The following LONP1 variants were observed in gnomAD, a reference collection of about 807,000 sequenced individuals.
LONP1 encodes the protein lon protease homolog, mitochondrial.
LONP1 carries 31 observed loss-of-function variants against 98.5 expected under a neutral mutation model. The ratio of observed to expected loss-of-function variants is 0.31; its 90% CI spans 0.24 to 0.42. The LOEUF (loss-of-function observed/expected upper bound fraction) is 0.42, where lower values mean the gene tolerates loss of function less well. LONP1 is among the 20% of genes least tolerant of loss of function. LONP1 has a pLI of 1.00. For missense variants in LONP1, 1,336 were observed against 1,350.6 expected (o/e 0.99, Z 0.17); for synonymous variants, 781 against 594.7 (o/e 1.31, Z -4.56).
At position 5,692,852 on chromosome 19, in the gene LONP1, A is replaced by G. The variant is rs1381598037; in HGVS notation, c.2703+446T>C. On this transcript the variant is annotated intron_variant, in intron 17 of 17. Coordinates refer to ENST00000360614, the MANE Select transcript of LONP1 (RefSeq NM_004793.4). ...ACTGACTGCACCAGGCTTCCTAGACACATGGCAAGTGTGGTCCAGTCTGGG... is the reference window on the plus strand; with the variant it reads ...ACTGACTGCACCAGGCTTCCTAGACGCATGGCAAGTGTGGTCCAGTCTGGG... Among the ~76,000 whole-genome samples the G allele has an allele frequency of 6.6e-5, 10 of 152,232 alleles. No homozygotes were observed. In the East Asian group the frequency reaches 1.4e-3, roughly 21 times the overall value.
intron 13 of LONP1, among the ~76,000 whole-genome samples, chr19:5,695,762 G>C (rs990745462): frequency 6.6e-6 from 1 of 152,264 alleles, no homozygotes; most frequent in Admixed American, 6.5e-5. Flanking sequence ...TCTGGGCCAG[G>C]TGGGGGCCCC....
intron 17 of LONP1, among the ~76,000 whole-genome samples, chr19:5,692,935 C>T (rs1255535701): frequency 6.6e-6 from 1 of 152,048 alleles, no homozygotes; most frequent in Non-Finnish European, 1.5e-5. Flanking sequence ...TGCTCAGCAC[C>T]CTTGGAAGAG....
At chr19:5,694,708 CG>C in intron 14 of LONP1, 52 bp downstream of exon 14, 1 of 1,576,044 alleles carries the variant, frequency 6.3e-7, no homozygotes, top group Non-Finnish European at 8.7e-7. Flanking sequence ...GGGTGATCAG[CG>C]TGGGATGGTG....
At chr19:5,707,228 T>G in intron 6 of LONP1, 85 bp from the exon 7 acceptor site, 2 of 1,066,308 alleles carry the variant, frequency 1.9e-6, no homozygotes, top group Non-Finnish European at 2.8e-6. Context: ...ATGCGCACCC[T>G]GAGAGATGCT....
In LONP1 at chr19:5,707,741, C is replaced by T; in HGVS notation, c.1018G>A (p.Gly340Arg). Residue 340 changes from glycine (G) to arginine (R), a missense_variant, in exon 6 of 18, where the codon GGG becomes AGG. Gly to Arg is a moderately radical substitution (Grantham distance 125). This residue lies in a region of LONP1 where 97 missense variants were observed against 139.0 expected (regional missense o/e 0.70). Transcript: ENST00000360614. The part of the protein sequence containing the change: ...YLSDMGAALT[G>R]AESHELQDVL... The stretch of plus-strand genomic sequence containing the variant: ...TCCTGCAGCTCATGGGACTCGGCCC[C>T]GGTGAGCGCGGCGCCCATGTCGCTC... 4 of 1,613,366 alleles carry T rather than the reference C, an allele frequency of 2.5e-6. No individual in the cohort carries two copies. Among genetic ancestry groups the T allele is most frequent in the South Asian group, 1.1e-5 (1 of 91,066 alleles).
At chr19:5,710,770 A>G (rs1410621777) in intron 4 of LONP1, among the ~76,000 whole-genome samples, 1 of 152,080 alleles carries the variant, frequency 6.6e-6, no homozygotes, top group Non-Finnish European at 1.5e-5. Flanking sequence ...TCACGACTAT[A>G]ATCCCAGCAT....
rs2054927186 is a variant in LONP1 at position 5,696,305 on chromosome 19, C to G, written c.1840G>C (p.Glu614Gln). The G allele has an allele frequency of 1.2e-6, 2 of 1,613,320 alleles. No individual in the cohort carries two copies. Among genetic ancestry groups the G allele is most frequent in the Admixed American group, 1.7e-5 (1 of 60,002 alleles). Residue 614 changes from glutamate (E) to glutamine (Q), a missense_variant, in exon 12 of 18, where the codon GAG becomes CAG. By Grantham distance (29) the Glu-to-Gln change is conservative. Coordinates refer to ENST00000360614, the MANE Select transcript of LONP1 (RefSeq NM_004793.4). ...TGGTCCAGGAAGTTGGCATTCTGCTCTGGGTCCAGCAGCTCCAGCAGTGCC... is the reference window on the plus strand; with the variant it reads ...TGGTCCAGGAAGTTGGCATTCTGCTGTGGGTCCAGCAGCTCCAGCAGTGCC... The part of the protein sequence containing the change: ...SSALLELLDP[E>Q]QNANFLDHYL...
At chr19:5,704,621 TG>T (rs2055114175) in intron 8 of LONP1, among the ~76,000 whole-genome samples, 1 of 152,140 alleles carries the variant, frequency 6.6e-6, no homozygotes, top group African/African-American at 2.4e-5. Flanking sequence ...GCATGCTGCA[TG>T]GGAAGTGGCC....
intron 9 of LONP1, among the ~76,000 whole-genome samples, chr19:5,700,326 T>C (rs1398476004): frequency 6.6e-6 from 1 of 152,154 alleles, no homozygotes; most frequent in East Asian, 1.9e-4. Context: ...TTGGTCAGGC[T>C]GGTCTTCAAC....
At chr19:5,716,458 G>A (rs757351027) in intron 1 of LONP1, among the ~76,000 whole-genome samples, 1 of 150,554 alleles carries the variant, frequency 6.6e-6, no homozygotes. Context: ...CGATGCTGCT[G>A]GTCCACAACC....
At chr19:5,708,640 A>G (rs2055186979) in intron 4 of LONP1, 1 of 528,268 alleles carries the variant, frequency 1.9e-6, no homozygotes, top group South Asian at 2.3e-5. Context: ...CTGTCTCCTT[A>G]CCCCTCAGAG....
chr19:5,717,200 T>G (rs1469313904), intron 1 of LONP1, among the ~76,000 whole-genome samples: 1 of 152,204 alleles, frequency 6.6e-6, no homozygotes, highest in Non-Finnish European at 1.5e-5. Flanking sequence ...AAGTTGCTAA[T>G]AGGAGAGAAG....
Position 5,708,506 on chromosome 19 carries a change from A to AGTATGGGGCAGGGTCGCTGGGGCCCAG in LONP1, c.871-104_871-103insCTGGGCCCCAGCGACCCTGCCCCATAC, listed in dbSNP as rs1322435701. On this transcript the variant is annotated intron_variant, in intron 4 of 17. Transcript: ENST00000360614. ...GGAGCCCCACCCACCAGCTCCATCA[A>AGTATGGGGCAGGGTCGCTGGGGCCCAG]CTCCCTCCCCTCCGCCAACTGGCCC... 3.3e-4 allele frequency: 291 copies of AGTATGGGGCAGGGTCGCTGGGGCCCAG among 887,570 alleles called. 5 individuals are homozygous for AGTATGGGGCAGGGTCGCTGGGGCCCAG. Among genetic ancestry groups the AGTATGGGGCAGGGTCGCTGGGGCCCAG allele is most frequent in the South Asian group, 8.3e-4 (57 of 68,394 alleles). 55.0% of individuals were successfully genotyped at this position (887,570 alleles called of 1,614,324 possible). A position where few individuals can be genotyped will look rare whatever the true frequency, so the allele number is the denominator to read the frequency against.
At position 5,708,330 on chromosome 19, in the gene LONP1, A is replaced by G; in HGVS notation, c.932+12T>C. ...TGCCCCCGCCTGGCCAGCTGCCCGC[A>G]CAGAGGCCCACCTGTAGAGAGGGTT... On this transcript the variant is annotated intron_variant, in intron 5 of 17. Transcript: ENST00000360614. 1 of 1,550,162 alleles carries G rather than the reference A, an allele frequency of 6.5e-7. No homozygotes were observed.
At chr19:5,692,662 C>CCTTGAAAGGACAGCAGTTCCCA (rs2054848733) in intron 17 of LONP1, among the ~76,000 whole-genome samples, 1 of 152,200 alleles carries the variant, frequency 6.6e-6, no homozygotes, top group African/African-American at 2.4e-5. Context: ...CACCACAGCC[C>CCTTGAAAGGACAGCAGTTCCCA]CTTGAAAGGA....
At chr19:5,699,559 T>G (rs1057440965) in intron 9 of LONP1, among the ~76,000 whole-genome samples, 8 of 135,742 alleles carry the variant, frequency 5.9e-5, no homozygotes, top group African/African-American at 1.9e-4. Context: ...GCTCCTGTTT[T>G]TTTTTTTTTT....
At chr19:5,711,363 G>A (rs2055234204) in intron 4 of LONP1, among the ~76,000 whole-genome samples, 1 of 152,262 alleles carries the variant, frequency 6.6e-6, no homozygotes, top group East Asian at 1.9e-4. Context: ...GACGGCCTAG[G>A]TTGGGGGATC....
At chr19:5,704,532 G>A (rs572659973) in intron 8 of LONP1, among the ~76,000 whole-genome samples, 55 of 152,296 alleles carry the variant, frequency 3.6e-4, no homozygotes, top group Admixed American at 7.2e-4. Flanking sequence ...GCTGTCCTAC[G>A]GCCTGCCCAG....
intron 3 of LONP1, among the ~76,000 whole-genome samples, chr19:5,712,683 CAG>C (rs2055256705): frequency 6.6e-6 from 1 of 152,122 alleles, no homozygotes; most frequent in Admixed American, 6.6e-5. Flanking sequence ...TTTATAGAAA[CAG>C]GGTCTTGCTG....
Sources: allele counts gnomAD v4.1 joint callset (sites outside exome capture counted in the v4.1 genomes callset), GRCh38; gene constraint gnomAD v4.1.1; regional missense constraint gnomAD v4.1.1; transcripts MANE v1.5; gene names NCBI Gene and HGNC (gene_info 2026-07-23, HGNC 2026-07-21).